Variants in CAST observed in about 807,000 individuals in gnomAD.
CAST encodes calpastatin.
Under a neutral mutation model 119.6 loss-of-function variants are expected in CAST, and 76 were observed. The observed-to-expected ratio is 0.64, with a 90% CI of 0.53 to 0.77. The LOEUF is 0.77. CAST is among the 30% of genes least tolerant of loss of function. The pLI is 0.00. For missense variants in CAST, 953 were observed against 946.5 expected (o/e 1.01, Z -0.09); for synonymous variants, 319 against 331.6 (o/e 0.96, Z 0.41).
chr5:96,267,693 G>GA, the CAST span, among the ~76,000 whole-genome samples: 7 of 150,806 alleles, frequency 4.6e-5, no homozygotes, highest in Middle Eastern at 3.4e-3. Context: ...TTCAATCTGA[G>GA]AAAAAAAAAT....
At chr5:96,053,048 C>G in the CAST span, among the ~76,000 whole-genome samples, 3 of 152,126 alleles carry the variant, frequency 2.0e-5, no homozygotes, top group African/African-American at 4.8e-5. Flanking sequence ...TTCTGATTCC[C>G]AAAGCCCATG....
chr5:96,710,236 T>C (rs1305556591), intron 3 of CAST, among the ~76,000 whole-genome samples: 1 of 152,218 alleles, frequency 6.6e-6, no homozygotes, highest in Admixed American at 6.5e-5. Flanking sequence ...TATGTGATCC[T>C]TTCTTTTAAC....
chr5:96,278,440 ACCTG>A, the CAST span: 1 of 152,166 alleles, frequency 6.6e-6, no homozygotes, highest in South Asian at 2.1e-4. Context: ...AGATGGGTGT[ACCTG>A]CCTGGTAAAT....
At chr5:96,403,279 T>C in the CAST span, among the ~76,000 whole-genome samples, 1 of 152,198 alleles carries the variant, frequency 6.6e-6, no homozygotes, top group Non-Finnish European at 1.5e-5. Context: ...TTTATTATTA[T>C]TATACTTTAA....
chr5:96,003,521 G>A, the CAST span, among the ~76,000 whole-genome samples: 605 of 139,984 alleles, frequency 4.3e-3, 6 homozygotes, highest in African/African-American at 0.016. Flanking sequence ...CTGGGCGACA[G>A]AGCGAGACTC....
chr5:96,724,905 G>A (rs1758981734), intron 4 of CAST, among the ~76,000 whole-genome samples: 2 of 152,296 alleles, frequency 1.3e-5, no homozygotes, highest in South Asian at 4.1e-4. Flanking sequence ...ATAGGAAAGA[G>A]AGCCAGAAAT....
chr5:95,980,282 G>A, the CAST span: 3 of 152,146 alleles, frequency 2.0e-5, no homozygotes, highest in African/African-American at 7.2e-5. Flanking sequence ...TCTTGGTGCT[G>A]GCTTATATTT....
At chr5:96,470,277 CTT>C in the CAST span, among the ~76,000 whole-genome samples, 1 of 151,814 alleles carries the variant, frequency 6.6e-6, no homozygotes, top group Admixed American at 6.6e-5. Flanking sequence ...AGTTATATGT[CTT>C]TTATATCGAA....
At chr5:96,076,788 T>C in the CAST span, among the ~76,000 whole-genome samples, 2 of 152,162 alleles carry the variant, frequency 1.3e-5, no homozygotes, top group South Asian at 2.1e-4. Flanking sequence ...TTTTTTCTCC[T>C]TGTATTTAGA....
chr5:96,005,227 G>A, the CAST span, among the ~76,000 whole-genome samples: 4 of 152,168 alleles, frequency 2.6e-5, no homozygotes, highest in African/African-American at 9.7e-5. Context: ...AAGTCCAAGA[G>A]ATAGATAGGG....
the CAST span, among the ~76,000 whole-genome samples, chr5:96,068,524 C>A: frequency 2.0e-5 from 3 of 151,488 alleles, no homozygotes; most frequent in Non-Finnish European, 4.4e-5. Flanking sequence ...ATATGGGAAC[C>A]CACCCACTGG....
chr5:95,988,166 A>G, the CAST span, among the ~76,000 whole-genome samples: 5 of 152,284 alleles, frequency 3.3e-5, no homozygotes, highest in Admixed American at 1.3e-4. Context: ...GCTTGTTTCT[A>G]TATACCTATA....
At chr5:96,010,438 A>G in the CAST span, among the ~76,000 whole-genome samples, 3 of 152,074 alleles carry the variant, frequency 2.0e-5, no homozygotes, top group South Asian at 6.2e-4. Flanking sequence ...CAGCCTCCCA[A>G]TTAGCTGAGA....
At chr5:96,521,687 G>C (rs1029548016), upstream of CAST, among the ~76,000 whole-genome samples, 11 of 152,214 alleles carry the variant, frequency 7.2e-5, no homozygotes, top group Middle Eastern at 3.4e-3. Context: ...TGAAGGATAA[G>C]AATTATATTT....
At chr5:96,450,694 C>T in the CAST span, among the ~76,000 whole-genome samples, 10,929 of 152,146 alleles carry the variant, frequency 0.072, 1,323 homozygotes, top group African/African-American at 0.25. Flanking sequence ...TGCTCCAATG[C>T]CTTAATGCTG....
chr5:96,450,901 G>T, the CAST span, among the ~76,000 whole-genome samples: 908 of 152,098 alleles, frequency 6.0e-3, 6 homozygotes, highest in Middle Eastern at 0.024. Context: ...TGAGTCCCAG[G>T]TAGCTAATCT....
the CAST span, among the ~76,000 whole-genome samples, chr5:96,519,961 A>C: frequency 0.29 from 43,720 of 152,032 alleles, 7,163 homozygotes; most frequent in Middle Eastern, 0.38. Flanking sequence ...ATTTATTTGC[A>C]TTCTGTCTCA....
At chr5:96,618,837 G>A (rs142376127) in intron 1 of CAST, among the ~76,000 whole-genome samples, 10 of 152,336 alleles carry the variant, frequency 6.6e-5, no homozygotes, top group East Asian at 5.8e-4. Context: ...CCCGACAGGC[G>A]CTGCCCCCTG....
chr5:96,397,437 G>A, the CAST span: 52 of 1,612,440 alleles, frequency 3.2e-5, 1 homozygote, highest in East Asian at 8.9e-5. Context: ...GATGTATCCC[G>A]TTCTCTTTCA....
Sources: allele counts gnomAD v4.1 joint callset (sites outside exome capture counted in the v4.1 genomes callset), GRCh38; gene constraint gnomAD v4.1.1; transcripts MANE v1.5; gene names NCBI Gene and HGNC (gene_info 2026-07-23, HGNC 2026-07-21).